PALD1: variants seen among roughly 807,000 people sequenced by gnomAD.
PALD1 encodes the protein paladin.
Under a neutral mutation model 96.0 loss-of-function variants are expected in PALD1, and 57 were observed. The observed-to-expected ratio is 0.59, with a 90% CI of 0.48 to 0.74. The LOEUF is 0.74. PALD1 is among the 30% of genes least tolerant of loss of function. PALD1 has a pLI of 0.00. For missense variants in PALD1, 1,063 were observed against 1,143.7 expected (o/e 0.93, Z 1.02); for synonymous variants, 464 against 473.6 (o/e 0.98, Z 0.26).
chr10:70,486,217 T>A (rs1846014661), intron 1 of PALD1: 1 of 158,842 alleles, frequency 6.3e-6, no homozygotes, highest in Admixed American at 6.5e-5. Context: ...ATCTTTTTTT[T>A]TTTTTTCTCT....
chr10:70,496,990 G>T (rs1177785111), intron 1 of PALD1, among the ~76,000 whole-genome samples: 2 of 143,818 alleles, frequency 1.4e-5, no homozygotes, highest in African/African-American at 5.0e-5. Context: ...TTGGGGGTAG[G>T]GGGGCTTCTG....
rs12252324 is a variant in PALD1, at chr10:70,549,432, C to T, written c.2262+1986C>T. The stretch of plus-strand genomic sequence containing the variant: ...CCCTGACTCCTGAAGCTGATAGGCC[C>T]CCCTTCCTCTGAGCTCTGCAGCCCT... On this transcript the variant is annotated intron_variant, in intron 18 of 19. Coordinates refer to ENST00000263563, the MANE Select transcript of PALD1 (RefSeq NM_014431.3). 6.7e-3 allele frequency among the ~76,000 whole-genome samples: 1,028 copies of T among 152,360 alleles called. 11 individuals carry two copies. Among genetic ancestry groups the T allele is most frequent in the African/African-American group, 0.023 (976 of 41,576 alleles).
chr10:70,568,286 T>G lies in PALD1; in HGVS notation c.*1553T>G, dbSNP rs1564716747. 1 of 152,748 alleles carries G rather than the reference T, an allele frequency of 6.5e-6. No homozygotes were observed. The highest frequency in any genetic ancestry group is 1.5e-5 in the Non-Finnish European group (1 of 68,058). 9.5% of individuals were successfully genotyped at this position (152,748 alleles called of 1,614,324 possible). The stretch of plus-strand genomic sequence containing the variant: ...GGTTGGCTCTGACTTTCAGCTGTGT[T>G]GGGACCACTGGCTGATCACATCACC... On this transcript the variant is annotated 3_prime_UTR_variant, in exon 20 of 20. Coordinates refer to ENST00000263563, the MANE Select transcript of PALD1 (RefSeq NM_014431.3).
chr10:70,507,291 A>G (rs1212694132), intron 1 of PALD1, among the ~76,000 whole-genome samples: 1 of 152,014 alleles, frequency 6.6e-6, no homozygotes, highest in East Asian at 1.9e-4. Context: ...GGGTGCCTAT[A>G]ATCCCAGCTA....
At chr10:70,538,029 A>G (rs1191392535) in intron 11 of PALD1, 123 bp downstream of exon 11, 8 of 806,154 alleles carry the variant, frequency 9.9e-6, no homozygotes, top group East Asian at 2.6e-5. Context: ...AAGGGAGGCC[A>G]GGAGAGACCC....
intron 1 of PALD1, among the ~76,000 whole-genome samples, chr10:70,519,123 A>G (rs775261369): frequency 7.2e-5 from 11 of 152,228 alleles, no homozygotes; most frequent in Admixed American, 1.3e-4. Context: ...TATTTTTTGT[A>G]AATGAGACAG....
At position 70,478,872 on chromosome 10, in the gene PALD1, G is replaced by C. The variant is rs1370432565; in HGVS notation, c.-217G>C. 6.6e-6 allele frequency: 1 copy of C among 151,960 alleles called. No individual in the cohort carries two copies. The highest frequency in any genetic ancestry group is 2.4e-5 in the African/African-American group (1 of 41,416). The allele number at this position is 151,960 out of a possible 1,614,324, so 9.4% of individuals were successfully genotyped here. A position where few individuals can be genotyped will look rare whatever the true frequency, so the allele number is the denominator to read the frequency against. On this transcript the variant is annotated 5_prime_UTR_variant, in exon 1 of 20. Coordinates refer to ENST00000263563, the MANE Select transcript of PALD1 (RefSeq NM_014431.3). ...GCTCCCTCTCGCGTGGCCTCGCCGG[G>C]TCCGCCTGGCCTGCCCACCTCCGGA...
the PALD1 span, among the ~76,000 whole-genome samples, chr10:70,467,434 G>A: frequency 6.6e-6 from 1 of 152,080 alleles, no homozygotes; most frequent in Non-Finnish European, 1.5e-5. Flanking sequence ...GTGAGGGGAA[G>A]TAAAAGAATA....
intron 1 of PALD1, among the ~76,000 whole-genome samples, chr10:70,487,326 G>A (rs900070464): frequency 6.6e-6 from 1 of 151,686 alleles, no homozygotes; most frequent in African/African-American, 2.4e-5. Flanking sequence ...GTAGAGACGG[G>A]GTTTCACTGT....
rs1008091056 is a variant in PALD1 at position 70,505,117 on chromosome 10, C to T, written c.-29-20806C>T. Among the ~76,000 whole-genome samples, 5 of 152,228 alleles carry T rather than the reference C, an allele frequency of 3.3e-5. No homozygotes were observed. The South Asian group carries it at 6.2e-4, about 19-fold the overall frequency. ...TTAAAAAAGTCACATCTGTTACTAT[C>T]GTCACACCTATTATCAGAAAAATCT... On this transcript the variant is annotated intron_variant, in intron 1 of 19. Transcript: ENST00000263563.
At chr10:70,542,722 A>G (rs1477680441) in intron 17 of PALD1, among the ~76,000 whole-genome samples, 2 of 152,144 alleles carry the variant, frequency 1.3e-5, no homozygotes, top group Admixed American at 1.3e-4. Context: ...GTCATGAGTA[A>G]TGCTGCTATG....
In PALD1 at chr10:70,533,059, A is replaced by G. The variant is rs1451392285; in HGVS notation, c.859A>G (p.Ser287Gly). ...PLEAQLDAFV[S>G]VLRETPSLLQ... Reference sequence around the variant, plus strand: ...GGAGGCCCAGTTGGACGCCTTTGTCAGTGTTCTCCGGGTAACTGGGGCACG... The same window carrying G: ...GGAGGCCCAGTTGGACGCCTTTGTCGGTGTTCTCCGGGTAACTGGGGCACG... Residue 287 changes from serine (S) to glycine (G), a missense_variant, in exon 7 of 20, where the codon AGT becomes GGT. Ser to Gly is a moderately conservative substitution (Grantham distance 56). Transcript: ENST00000263563. 1.3e-6 allele frequency: 2 copies of G among 1,580,778 alleles called. No individual in the cohort carries two copies. Among genetic ancestry groups the G allele is most frequent in the African/African-American group, 1.3e-5 (1 of 74,360 alleles).
At chr10:70,523,563 C>G (rs1047463297) in intron 1 of PALD1, among the ~76,000 whole-genome samples, 1 of 152,178 alleles carries the variant, frequency 6.6e-6, no homozygotes, top group African/African-American at 2.4e-5. Flanking sequence ...GCTCCCTCCC[C>G]TCTTTGAGCT....
At chr10:70,499,249 C>T (rs181720253) in intron 1 of PALD1, among the ~76,000 whole-genome samples, 155 of 152,340 alleles carry the variant, frequency 1.0e-3, no homozygotes, top group Non-Finnish European at 1.8e-3. Context: ...TCTGGCCCTT[C>T]CTTCTTCAAT....
intron 1 of PALD1, among the ~76,000 whole-genome samples, chr10:70,500,111 C>T (rs1288212851): frequency 1.3e-5 from 2 of 152,174 alleles, no homozygotes; most frequent in Admixed American, 6.5e-5. Context: ...AGCTAAGGCT[C>T]GAGCCCACAC....
intron 1 of PALD1, among the ~76,000 whole-genome samples, chr10:70,520,795 G>A (rs764856982): frequency 2.7e-5 from 4 of 147,168 alleles, no homozygotes; most frequent in Non-Finnish European, 5.9e-5. Flanking sequence ...GGGTTTAAGC[G>A]ACTCTCCTGC....
chr10:70,491,723 T>A (rs1195836444), intron 1 of PALD1, among the ~76,000 whole-genome samples: 2 of 152,184 alleles, frequency 1.3e-5, no homozygotes, highest in East Asian at 1.9e-4. Context: ...AAAGGAAAAC[T>A]CCATCCATCC....
intron 1 of PALD1, among the ~76,000 whole-genome samples, chr10:70,523,374 C>A (rs1846778767): frequency 6.6e-6 from 1 of 152,194 alleles, no homozygotes; most frequent in Admixed American, 6.5e-5. Context: ...CCATCCTCTC[C>A]CTCGGGAGAG....
At chr10:70,520,239 T>C in intron 1 of PALD1, among the ~76,000 whole-genome samples, 1 of 152,178 alleles carries the variant, frequency 6.6e-6, no homozygotes, top group Non-Finnish European at 1.5e-5. Context: ...CTACCAGTCA[T>C]CTTTTTCAAG....
Sources: gnomAD v4.1 joint callset for allele counts (sites outside exome capture counted in the v4.1 genomes callset) on GRCh38, gnomAD v4.1.1 for gene constraint, MANE v1.5 for transcripts, NCBI Gene and HGNC (gene_info 2026-07-23, HGNC 2026-07-21) for gene names.